KCNU1: variants seen among roughly 807,000 people sequenced by gnomAD.
KCNU1 encodes potassium calcium-activated channel subfamily U member 1, also known as potassium channel subfamily U member 1.
In KCNU1, 93 loss-of-function variants were observed where a neutral mutation model predicts 126.8. The observed-to-expected ratio is 0.73, with a 90% confidence interval of 0.62 to 0.87. KCNU1 has a LOEUF of 0.87. Among genes scored for constraint, KCNU1 ranks in the 40% least tolerant of loss-of-function variants. KCNU1 has a pLI of 0.00. For missense variants in KCNU1, 1,330 were observed against 1,367.1 expected (o/e 0.97, Z 0.43); for synonymous variants, 523 against 494.2 (o/e 1.06, Z -0.77).
chr8:36,882,478 T>C (rs1450932121), intron 19 of KCNU1, among the ~76,000 whole-genome samples: 1 of 152,228 alleles, frequency 6.6e-6, no homozygotes, highest in Non-Finnish European at 1.5e-5. Context: ...TTGCCCCTTC[T>C]CTGCCTCTTT....
intron 19 of KCNU1, among the ~76,000 whole-genome samples, chr8:36,871,684 A>G (rs1806108727): frequency 6.6e-6 from 1 of 152,130 alleles, no homozygotes; most frequent in African/African-American, 2.4e-5. Context: ...GTCTTTTAAA[A>G]AACTAAAAAC....
At chr8:36,888,905 G>T (rs1318047733) in intron 19 of KCNU1, 1 of 407,392 alleles carries the variant, frequency 2.5e-6, no homozygotes, top group Admixed American at 3.1e-5. Flanking sequence ...TTGAGATAGG[G>T]TCTCGCTCTG....
chr8:36,844,086 A>G (rs1450853824), intron 16 of KCNU1, among the ~76,000 whole-genome samples: 1 of 152,132 alleles, frequency 6.6e-6, no homozygotes, highest in Non-Finnish European at 1.5e-5. Context: ...TTTTAAAAAA[A>G]TGAAAGGAGC....
Position 36,830,793 on chromosome 8 carries a change from A to G in KCNU1, c.1107-2761A>G, listed in dbSNP as rs187151356. ...ATTATTATACTTTAAGTTTTAGGGT[A>G]CATGTGCACAATGTGCAGGTTAGTT... On this transcript the variant is annotated intron_variant, in intron 10 of 26. Transcript: ENST00000399881. 2.3e-3 allele frequency among the ~76,000 whole-genome samples: 352 copies of G among 151,744 alleles called. 1 individual carries two copies. The highest frequency in any genetic ancestry group is 3.3e-3 in the Non-Finnish European group (223 of 67,898).
At chr8:36,807,959 C>A (rs2130429373) in intron 6 of KCNU1, among the ~76,000 whole-genome samples, 1 of 152,328 alleles carries the variant, frequency 6.6e-6, no homozygotes, top group African/African-American at 2.4e-5. Context: ...ACAATCCAAA[C>A]TAGCTTTGAG....
chr8:36,919,055 T>C (rs1159072237), intron 23 of KCNU1, among the ~76,000 whole-genome samples, 158 bp downstream of exon 23: 1 of 152,156 alleles, frequency 6.6e-6, no homozygotes, highest in Non-Finnish European at 1.5e-5. Flanking sequence ...TGGGCTTTGA[T>C]CCAACTGGGG....
At chr8:36,902,884 G>T (rs1191306705) in intron 19 of KCNU1, among the ~76,000 whole-genome samples, 1 of 152,038 alleles carries the variant, frequency 6.6e-6, no homozygotes, top group Non-Finnish European at 1.5e-5. Context: ...TATTTAAGTT[G>T]CCAAAAGACA....
chr8:36,905,681 A>G (rs1482002088), intron 19 of KCNU1, 27 bp from the exon 20 acceptor site: 3 of 1,243,848 alleles, frequency 2.4e-6, no homozygotes, highest in African/African-American at 1.5e-5. Context: ...AATAGTCTCA[A>G]ACTAACTCTC....
At chr8:36,920,713 T>C (rs1270536274) in intron 23 of KCNU1, among the ~76,000 whole-genome samples, 1 of 151,992 alleles carries the variant, frequency 6.6e-6, no homozygotes, top group African/African-American at 2.4e-5. Context: ...GGGATATTTG[T>C]GTGTGTGTGT....
intron 10 of KCNU1, among the ~76,000 whole-genome samples, chr8:36,828,619 A>G (rs1804411710): frequency 6.6e-6 from 1 of 152,052 alleles, no homozygotes. Context: ...TGTTAGTGAT[A>G]TTCATTTCCC....
chr8:36,833,418 A>G lies in KCNU1; in HGVS notation c.1107-136A>G, dbSNP rs1747908187. 6.5e-6 allele frequency: 3 copies of G among 464,294 alleles called. No individual in the cohort carries two copies. The South Asian group carries it at 1.3e-4, about 20-fold the overall frequency. 28.8% of individuals were successfully genotyped at this position (464,294 alleles called of 1,614,324 possible). Reference sequence around the variant, plus strand: ...TAGTAATTACATTTTTTAAAAAAATAGTATTAACTTGATTTGTATTTTTTC... The same window carrying G: ...TAGTAATTACATTTTTTAAAAAAATGGTATTAACTTGATTTGTATTTTTTC... On this transcript the variant is annotated intron_variant, in intron 10 of 26. Coordinates refer to ENST00000399881, the MANE Select transcript of KCNU1 (RefSeq NM_001031836.3).
intron 18 of KCNU1, among the ~76,000 whole-genome samples, chr8:36,854,740 G>A (rs1358725919): frequency 6.6e-6 from 1 of 152,060 alleles, no homozygotes; most frequent in Non-Finnish European, 1.5e-5. Context: ...CAAGGATGGT[G>A]TCTATTGAGA....
intron 1 of KCNU1, 66 bp downstream of exon 1, chr8:36,784,671 T>A: frequency 8.3e-7 from 1 of 1,209,504 alleles, no homozygotes; most frequent in Non-Finnish European, 1.2e-6. Context: ...GTTTTGTGTT[T>A]AGTAAAAGAT....
intron 18 of KCNU1, among the ~76,000 whole-genome samples, chr8:36,854,975 C>G (rs1805480042): frequency 6.6e-6 from 1 of 152,110 alleles, no homozygotes; most frequent in African/African-American, 2.4e-5. Flanking sequence ...ACACCTGGAA[C>G]CAAGAAGTTT....
At chr8:36,884,776 GA>G (rs1008283607) in intron 19 of KCNU1, among the ~76,000 whole-genome samples, 29 of 147,496 alleles carry the variant, frequency 2.0e-4, no homozygotes, top group Non-Finnish European at 2.7e-4. Context: ...TAAAAACCAG[GA>G]AAAAAAAAAG....
chr8:36,813,865 G>GA (rs34625120), intron 7 of KCNU1, among the ~76,000 whole-genome samples: 40,662 of 151,910 alleles, frequency 0.27, 6,699 homozygotes, highest in African/African-American at 0.44. Flanking sequence ...CTCAGTCTGA[G>GA]GCCTTTGGAG....
At chr8:36,841,495 C>A (rs577160624) in intron 16 of KCNU1, among the ~76,000 whole-genome samples, 2 of 152,252 alleles carry the variant, frequency 1.3e-5, no homozygotes, top group East Asian at 3.9e-4. Context: ...AGTTCAAGAG[C>A]AGCCTGGCCA....
intron 6 of KCNU1, among the ~76,000 whole-genome samples, chr8:36,808,487 T>C (rs1803587388): frequency 6.6e-6 from 1 of 152,094 alleles, no homozygotes; most frequent in Admixed American, 6.5e-5. Context: ...GTTTCAGAGC[T>C]GTGTTTCTCA....
At chr8:36,909,912 A>G (rs565799953) in intron 21 of KCNU1, among the ~76,000 whole-genome samples, 20 of 152,310 alleles carry the variant, frequency 1.3e-4, no homozygotes, top group African/African-American at 4.3e-4. Context: ...GGCTACACCT[A>G]AGCTAATACT....
Sources: gnomAD v4.1 joint callset for allele counts (sites outside exome capture counted in the v4.1 genomes callset) on GRCh38, gnomAD v4.1.1 for gene constraint, MANE v1.5 for transcripts, NCBI Gene and HGNC (gene_info 2026-07-23, HGNC 2026-07-21) for gene names.